The following GLG1 variants were observed in gnomAD, a reference collection of about 807,000 sequenced individuals.
The protein encoded by GLG1 is golgi glycoprotein 1.
In GLG1, 38 loss-of-function variants were observed where a neutral mutation model predicts 160.5. That is an observed-to-expected ratio of 0.24 (90% CI 0.18 to 0.31). The LOEUF (loss-of-function observed/expected upper bound fraction) is 0.31, where lower values mean the gene tolerates loss of function less well. Among genes scored for constraint, GLG1 ranks in the 10% least tolerant of loss-of-function variants. The pLI, the probability that GLG1 is intolerant of heterozygous loss-of-function variation, is 1.00. For synonymous variants in GLG1, 644 were observed against 543.4 expected (o/e 1.19, Z -2.57); for missense variants, 1,373 against 1,505.2 (o/e 0.91, Z 1.45).
Position 74,493,048 on chromosome 16 carries a change from CT to C in GLG1, c.1142del (p.Lys381ArgfsTer22). The C allele has an allele frequency of 6.2e-7, 1 of 1,613,856 alleles. No homozygotes were observed. The highest frequency in any genetic ancestry group is 8.5e-7 in the Non-Finnish European group (1 of 1,179,800). ...GGTTTTCCACATTGCACCGGTATTT[CT>C]TCAAGTCACTTTTACAGGATTTGGC... ...SLAKSCKSDL[K>X]KYRCNVENLP... On this transcript the variant is annotated frameshift_variant, in exon 7 of 26. Transcript: ENST00000422840. LOFTEE classifies it high-confidence loss of function.
At chr16:74,467,092 G>C (rs1356685694) in intron 18 of GLG1, among the ~76,000 whole-genome samples, 1 of 152,108 alleles carries the variant, frequency 6.6e-6, no homozygotes, top group African/African-American at 2.4e-5. Context: ...CAGACAAAGA[G>C]AAGACTCTAA....
intron 1 of GLG1, among the ~76,000 whole-genome samples, chr16:74,579,369 T>C (rs531214031): frequency 1.3e-5 from 2 of 151,086 alleles, no homozygotes; most frequent in South Asian, 2.1e-4. Context: ...TGAGCCGTGA[T>C]TGTGCCAGTG....
At position 74,607,077 on chromosome 16, in the gene GLG1, A is replaced by C. The variant is rs750081579; in HGVS notation, c.18T>G (p.Arg6=). 6 of 1,556,762 alleles carry C rather than the reference A, an allele frequency of 3.9e-6. No individual in the cohort carries two copies. The highest frequency in any genetic ancestry group is 1.7e-4 in the Middle Eastern group (1 of 5,980). The part of the protein sequence containing the change: MAACG[R]VRRMFRLSAA... The stretch of plus-strand genomic sequence containing the variant: ...CCGACAAGCGGAACATCCTCCGTAC[A>C]CGTCCACACGCCGCCATCTTGAGTC... Residue 6 remains arginine (R), a synonymous_variant, in exon 1 of 26, where the codon CGT becomes CGG. Coordinates refer to ENST00000422840, the MANE Select transcript of GLG1 (RefSeq NM_001145667.2).
At chr16:74,567,183 G>C (rs1490800520) in intron 1 of GLG1, among the ~76,000 whole-genome samples, 1 of 151,320 alleles carries the variant, frequency 6.6e-6, no homozygotes, top group East Asian at 2.0e-4. Flanking sequence ...GTTGTGTGTG[G>C]GGGGTGTAGG....
chr16:74,456,637 CTTGGTCA>C lies in GLG1; in HGVS notation c.3372+5_3372+11del, dbSNP rs765152396. 6.5e-7 allele frequency: 1 copy of C among 1,540,972 alleles called. No individual in the cohort carries two copies. Among genetic ancestry groups the C allele is most frequent in the Non-Finnish European group, 8.9e-7 (1 of 1,121,964 alleles). ...TTGTTTTTTTAAAAAAGGAGATTCT[CTTGGTCA>C]TTACCTTTGCTGCGTAACTCCACAT... On this transcript the variant is annotated splice_donor_5th_base_variant and intron_variant, in intron 25 of 25. Coordinates refer to ENST00000422840, the MANE Select transcript of GLG1 (RefSeq NM_001145667.2).
intron 3 of GLG1, among the ~76,000 whole-genome samples, chr16:74,506,086 T>TTC (rs1555511162): frequency 6.7e-6 from 1 of 148,740 alleles, no homozygotes; most frequent in Non-Finnish European, 1.5e-5. Flanking sequence ...AAAAGATTTT[T>TTC]TTTTTTTTTT....
intron 25 of GLG1, among the ~76,000 whole-genome samples, chr16:74,454,310 A>T (rs2014440447): frequency 6.6e-6 from 1 of 151,780 alleles, no homozygotes; most frequent in African/African-American, 2.4e-5. Flanking sequence ...AGCTCAAGGG[A>T]TCCTCCTACC....
intron 1 of GLG1, among the ~76,000 whole-genome samples, chr16:74,605,347 T>A (rs1958541326): frequency 6.6e-6 from 1 of 152,204 alleles, no homozygotes; most frequent in Non-Finnish European, 1.5e-5. Context: ...TCCCTAATAA[T>A]GTGCTGTTTC....
intron 1 of GLG1, among the ~76,000 whole-genome samples, chr16:74,546,856 AGG>A (rs2018062807): frequency 6.8e-6 from 1 of 147,466 alleles, no homozygotes; most frequent in Non-Finnish European, 1.5e-5. Flanking sequence ...AAAAAAAAAA[AGG>A]ATCCCTGACT....
chr16:74,555,875 T>C (rs1239454602), intron 1 of GLG1, among the ~76,000 whole-genome samples: 7 of 151,480 alleles, frequency 4.6e-5, no homozygotes, highest in Non-Finnish European at 7.4e-5. Context: ...GGTCTCGCTG[T>C]ATCACCCAGG....
intron 1 of GLG1, among the ~76,000 whole-genome samples, chr16:74,580,901 T>C (rs1229137071): frequency 6.6e-6 from 1 of 152,136 alleles, no homozygotes. Context: ...TGAAACTCCA[T>C]CTCTACTAAA....
At chr16:74,457,212 T>C (rs903847994) in intron 24 of GLG1, among the ~76,000 whole-genome samples, 4 of 152,084 alleles carry the variant, frequency 2.6e-5, no homozygotes, top group Middle Eastern at 3.2e-3. Flanking sequence ...CTGGCCAACA[T>C]GGCAAAACCC....
intron 1 of GLG1, among the ~76,000 whole-genome samples, chr16:74,595,796 A>C (rs1431382544): frequency 6.6e-6 from 1 of 152,118 alleles, no homozygotes; most frequent in Non-Finnish European, 1.5e-5. Context: ...ATTTAACCCA[A>C]TATATCGAAA....
At chr16:74,580,404 T>C (rs767697512) in intron 1 of GLG1, among the ~76,000 whole-genome samples, 7 of 151,982 alleles carry the variant, frequency 4.6e-5, no homozygotes, top group African/African-American at 1.5e-4. Context: ...GAGACCAAGA[T>C]GGGAAGAGTG....
chr16:74,572,450 G>C (rs1034336026), intron 1 of GLG1, among the ~76,000 whole-genome samples: 3 of 150,874 alleles, frequency 2.0e-5, no homozygotes, highest in Middle Eastern at 3.2e-3. Context: ...GGCGGAGGTT[G>C]CAGTGTGAGC....
At chr16:74,463,169 C>T in intron 20 of GLG1, 187 bp downstream of exon 20, 3 of 593,134 alleles carry the variant, frequency 5.1e-6, no homozygotes, top group Non-Finnish European at 8.7e-6. Flanking sequence ...GTGGCCTCCT[C>T]TCTCCCCTGA....
At position 74,503,518 on chromosome 16, in the gene GLG1, T is replaced by C. The variant is rs748526140; in HGVS notation, c.774+13A>G. The C allele has an allele frequency of 6.5e-7, 1 of 1,538,252 alleles. No individual in the cohort carries two copies. The highest frequency in any genetic ancestry group is 9.0e-7 in the Non-Finnish European group (1 of 1,110,830). ...TAAGACCCCTTTGTTGAAGCTAACGTAGTATTAGATACCTTTTCTCCAAGC... is the reference window on the plus strand; with the variant it reads ...TAAGACCCCTTTGTTGAAGCTAACGCAGTATTAGATACCTTTTCTCCAAGC... On this transcript the variant is annotated intron_variant, in intron 4 of 25. Coordinates refer to ENST00000422840, the MANE Select transcript of GLG1 (RefSeq NM_001145667.2).
intron 1 of GLG1, among the ~76,000 whole-genome samples, chr16:74,544,465 C>T (rs1265999036): frequency 6.6e-6 from 1 of 152,018 alleles, no homozygotes; most frequent in Non-Finnish European, 1.5e-5. Flanking sequence ...GGCGTGGTGG[C>T]ATGTGCCACC....
chr16:74,500,801 A>G lies in GLG1; in HGVS notation c.774+2730T>C, dbSNP rs957384450. Among the ~76,000 whole-genome samples the G allele has an allele frequency of 3.9e-5, 6 of 152,298 alleles. No homozygotes were observed. The South Asian group carries it at 1.0e-3, about 26-fold the overall frequency. On this transcript the variant is annotated intron_variant, in intron 4 of 25. Transcript: ENST00000422840. ...TTTCTTCAGATGATGTAAATCATTT[A>G]TATCTTTACTTTTGGAAATCTGCCC...
Sources: allele counts gnomAD v4.1 joint callset (sites outside exome capture counted in the v4.1 genomes callset), GRCh38; gene constraint gnomAD v4.1.1; transcripts MANE v1.5; gene names NCBI Gene and HGNC (gene_info 2026-07-23, HGNC 2026-07-21).